Variants in ANKH observed in about 807,000 individuals in gnomAD.
The protein encoded by ANKH is ANKH inorganic pyrophosphate transport regulator, also known as mineralization regulator ANKH.
Under a neutral mutation model 49.0 loss-of-function variants are expected in ANKH, and 15 were observed. The ratio of observed to expected loss-of-function variants is 0.31; its 90% CI spans 0.20 to 0.47. The LOEUF (loss-of-function observed/expected upper bound fraction) is 0.47. ANKH is among the 20% of genes least tolerant of loss of function. The pLI is 1.00. For missense variants in ANKH, 429 were observed against 652.0 expected, an observed-to-expected ratio of 0.66 and a Z score of 3.72; for synonymous variants, 273 against 260.0, an observed-to-expected ratio of 1.05 and a Z score of -0.48.
At chr5:14,768,085 T>TA (rs1176591303) in intron 2 of ANKH, 3 of 152,156 alleles carry the variant, frequency 2.0e-5, no homozygotes, top group African/African-American at 7.2e-5. Flanking sequence ...ACAAAGGCCT[T>TA]ACCTTATTTA....
intron 1 of ANKH, among the ~76,000 whole-genome samples, chr5:14,774,629 A>G (rs1467602009): frequency 1.3e-5 from 2 of 152,102 alleles, no homozygotes; most frequent in East Asian, 1.9e-4. Context: ...TACGTCCTTC[A>G]GTCACCTACT....
intron 1 of ANKH, chr5:14,797,721 G>A (rs543780533): frequency 5.9e-5 from 94 of 1,606,230 alleles, no homozygotes; most frequent in African/African-American, 4.9e-4. Flanking sequence ...TACTATTGCC[G>A]TATGCCCTGT....
intron 1 of ANKH, among the ~76,000 whole-genome samples, chr5:14,858,592 T>C (rs1313125568): frequency 6.6e-6 from 1 of 152,032 alleles, no homozygotes; most frequent in Non-Finnish European, 1.5e-5. Context: ...GGGTAATGCC[T>C]GTAGTCCCAG....
At chr5:14,736,006 CTTTTTTT>C (rs540010631) in intron 8 of ANKH, among the ~76,000 whole-genome samples, 34 of 83,664 alleles carry the variant, frequency 4.1e-4, no homozygotes, top group East Asian at 1.3e-3. Context: ...AAAAACCTAA[CTTTTTTT>C]TTTTTTTTTT....
intron 1 of ANKH, among the ~76,000 whole-genome samples, chr5:14,800,727 CTTTTTTTT>C (rs901835855): frequency 1.8e-4 from 24 of 135,314 alleles, no homozygotes; most frequent in Non-Finnish European, 2.9e-4. Flanking sequence ...CATTTTTTTT[CTTTTTTTT>C]TTTTTTTTTG....
At chr5:14,818,755 T>G (rs115430321) in intron 1 of ANKH, among the ~76,000 whole-genome samples, 2 of 151,236 alleles carry the variant, frequency 1.3e-5, no homozygotes. Context: ...CCACTTCCAA[T>G]GGAAACAGCA....
intron 1 of ANKH, among the ~76,000 whole-genome samples, chr5:14,788,715 GAGA>G (rs1740058335): frequency 6.6e-6 from 1 of 152,162 alleles, no homozygotes; most frequent in Non-Finnish European, 1.5e-5. Context: ...GAAATACACA[GAGA>G]AGGACTGTCA....
Position 14,805,087 on chromosome 5 carries a change from T to C in ANKH, c.97-35896A>G, listed in dbSNP as rs188138590. ...GGGTGTTGCTGAAAGAGATGAACAT[T>C]TGAGTCAGTGGGCTGGGGAAGGCAG... On this transcript the variant is annotated intron_variant, in intron 1 of 11. Transcript: ENST00000284268. 2.6e-5 allele frequency among the ~76,000 whole-genome samples: 4 copies of C among 152,198 alleles called. No individual in the cohort carries two copies. In the East Asian group the frequency reaches 5.8e-4, roughly 22 times the overall value.
At chr5:14,733,330 G>A (rs1738064412) in intron 8 of ANKH, among the ~76,000 whole-genome samples, 4 of 152,168 alleles carry the variant, frequency 2.6e-5, no homozygotes, top group African/African-American at 9.7e-5. Flanking sequence ...CCGAGCAAGT[G>A]GGACATCCGA....
At position 14,713,038 on chromosome 5, in the gene ANKH, C is replaced by G. The variant is rs1422084376; in HGVS notation, c.1266-65G>C. 1 of 1,477,598 alleles carries G rather than the reference C, an allele frequency of 6.8e-7. No homozygotes were observed. The highest frequency in any genetic ancestry group is 1.9e-5 in the Admixed American group (1 of 53,036). The allele number at this position is 1,477,598 out of a possible 1,614,324, so 91.5% of individuals were successfully genotyped here. ...CAAGTCAAGGCACAACCGTCGATGC[C>G]AAAACCCAGGAAAGTAAGTGTAGCC... On this transcript the variant is annotated intron_variant, in intron 10 of 11. Coordinates refer to ENST00000284268, the MANE Select transcript of ANKH (RefSeq NM_054027.6). The surrounding 1 kb of genome is among the most constrained non-coding windows in gnomAD (Gnocchi z 4.4).
At chr5:14,832,904 T>G (rs1490703715) in intron 1 of ANKH, among the ~76,000 whole-genome samples, 1 of 152,164 alleles carries the variant, frequency 6.6e-6, no homozygotes, top group African/African-American at 2.4e-5. Context: ...AAGGAGAAAT[T>G]TGTCTGCAAA....
intron 3 of ANKH, among the ~76,000 whole-genome samples, chr5:14,757,939 A>C (rs745982892): frequency 4.6e-5 from 7 of 152,226 alleles, no homozygotes; most frequent in Non-Finnish European, 5.9e-5. Context: ...ATATACCCCA[A>C]AGAACCAAAA....
intron 1 of ANKH, among the ~76,000 whole-genome samples, chr5:14,858,242 T>A (rs982293975): frequency 4.6e-5 from 7 of 152,166 alleles, no homozygotes; most frequent in Non-Finnish European, 8.8e-5. Flanking sequence ...CAATGTGTAG[T>A]CTTTTATCCC....
rs1738515766 is a variant in ANKH, at chr5:14,745,847, C to A, written c.915+23G>T. ...AGTCATTTCAAAAGCATGTTTCAGACACGACACCGCACGGGTTCTCACCTT... is the reference window on the plus strand; with the variant it reads ...AGTCATTTCAAAAGCATGTTTCAGAAACGACACCGCACGGGTTCTCACCTT... On this transcript the variant is annotated intron_variant, in intron 7 of 11. Transcript: ENST00000284268. The surrounding 1 kb of genome is among the most constrained non-coding windows in gnomAD (Gnocchi z 4.7). 6.2e-7 allele frequency: 1 copy of A among 1,610,768 alleles called. No individual in the cohort carries two copies. Among genetic ancestry groups the A allele is most frequent in the East Asian group, 2.2e-5 (1 of 44,860 alleles).
chr5:14,836,202 T>C (rs1741647965), intron 1 of ANKH, among the ~76,000 whole-genome samples: 1 of 152,146 alleles, frequency 6.6e-6, no homozygotes, highest in Non-Finnish European at 1.5e-5. Flanking sequence ...CTTTGAAAAC[T>C]GGCACAAGAC....
chr5:14,870,892 G>T (rs1232042479), intron 1 of ANKH: 3 of 350,542 alleles, frequency 8.6e-6, no homozygotes, highest in African/African-American at 6.4e-5. Flanking sequence ...ATCCTTACCT[G>T]GACTACGAAA....
intron 1 of ANKH, among the ~76,000 whole-genome samples, chr5:14,789,912 G>C (rs969074648): frequency 1.3e-5 from 2 of 152,210 alleles, no homozygotes; most frequent in African/African-American, 4.8e-5. Flanking sequence ...GTTTCACCAT[G>C]TTGTCCAGGC....
chr5:14,774,462 C>T (rs891388869), intron 1 of ANKH, among the ~76,000 whole-genome samples: 1 of 151,996 alleles, frequency 6.6e-6, no homozygotes, highest in African/African-American at 2.4e-5. Flanking sequence ...CCTCAAGACA[C>T]AGTCGCGCTC....
intron 1 of ANKH, among the ~76,000 whole-genome samples, chr5:14,825,091 T>C (rs1741302267): frequency 2.6e-5 from 4 of 152,174 alleles, no homozygotes; most frequent in Admixed American, 2.6e-4. Flanking sequence ...CTCATTTGGC[T>C]TAGAACAAAT....
Sources: gnomAD v4.1 joint callset for allele counts (sites outside exome capture counted in the v4.1 genomes callset) on GRCh38, gnomAD v4.1.1 for gene constraint, Gnocchi (gnomAD v3.1) non-coding constraint, MANE v1.5 for transcripts, NCBI Gene and HGNC (gene_info 2026-07-23, HGNC 2026-07-21) for gene names.